Variants in IMMP2L observed in about 807,000 individuals in gnomAD.
IMMP2L encodes mitochondrial inner membrane protease subunit 2.
In IMMP2L, 18 loss-of-function variants were observed where a neutral mutation model predicts 19.3. The ratio of observed to expected loss-of-function variants is 0.93; its 90% CI spans 0.64 to 1.38. The LOEUF is 1.38. Ranked by LOEUF, IMMP2L falls within the 40% of genes most tolerant of loss-of-function variation. IMMP2L has a pLI of 0.00. For missense variants in IMMP2L, 233 were observed against 218.2 expected (o/e 1.07, Z -0.43); for synonymous variants, 76 against 73.0 (o/e 1.04, Z -0.21).
chr7:111,439,045 G>A (rs868218408), intron 3 of IMMP2L, among the ~76,000 whole-genome samples: 4 of 151,932 alleles, frequency 2.6e-5, no homozygotes, highest in East Asian at 1.9e-4. Flanking sequence ...AAATCAAGCC[G>A]GGGTCCAGCA....
intron 4 of IMMP2L, among the ~76,000 whole-genome samples, chr7:110,951,303 A>T (rs1219697717): frequency 6.6e-6 from 1 of 152,086 alleles, no homozygotes; most frequent in Non-Finnish European, 1.5e-5. Context: ...AAATTAAATT[A>T]AAAAAACTTT....
intron 3 of IMMP2L, among the ~76,000 whole-genome samples, chr7:111,454,334 G>A (rs944256979): frequency 2.6e-5 from 4 of 152,108 alleles, no homozygotes; most frequent in Non-Finnish European, 2.9e-5. Flanking sequence ...AAATTCATGG[G>A]TAAAAATAAA....
chr7:111,303,221 T>G (rs1822458462), intron 3 of IMMP2L, among the ~76,000 whole-genome samples: 1 of 152,100 alleles, frequency 6.6e-6, no homozygotes, highest in Admixed American at 6.6e-5. Flanking sequence ...TATAGAAATC[T>G]GAAAAGTTAA....
At chr7:110,881,607 ACT>A (rs1174525362) in intron 5 of IMMP2L, among the ~76,000 whole-genome samples, 1 of 152,208 alleles carries the variant, frequency 6.6e-6, no homozygotes, top group Non-Finnish European at 1.5e-5. Flanking sequence ...TCCTGTCAAC[ACT>A]GTCTAATGAC....
At chr7:111,516,933 T>C (rs75600132) in intron 2 of IMMP2L, among the ~76,000 whole-genome samples, 3,043 of 152,148 alleles carry the variant, frequency 0.02, 104 homozygotes, top group African/African-American at 0.069. Flanking sequence ...TTGTGCCCAG[T>C]ATCTTGGAAG....
Position 111,024,923 on chromosome 7 carries a change from A to G in IMMP2L, c.240-61358T>C, listed in dbSNP as rs7779551. 4.6e-3 allele frequency among the ~76,000 whole-genome samples: 695 copies of G among 152,300 alleles called. 7 individuals carry two copies. Among genetic ancestry groups the G allele is most frequent in the African/African-American group, 0.015 (642 of 41,564 alleles). On this transcript the variant is annotated intron_variant, in intron 3 of 5. Coordinates refer to ENST00000405709, the MANE Select transcript of IMMP2L (RefSeq NM_032549.4). ...GATTATTTTTTGTCAAAAAGAAAAC[A>G]AGAGGCTTAATTAAGGGAGTATTGA...
chr7:111,348,544 A>T (rs1245777033), intron 3 of IMMP2L, among the ~76,000 whole-genome samples: 1 of 152,146 alleles, frequency 6.6e-6, no homozygotes, highest in Non-Finnish European at 1.5e-5. Flanking sequence ...TTAGAAACCA[A>T]ATGATGCAGT....
chr7:111,044,745 C>G (rs1471425623), intron 3 of IMMP2L, among the ~76,000 whole-genome samples: 1 of 151,946 alleles, frequency 6.6e-6, no homozygotes, highest in Non-Finnish European at 1.5e-5. Context: ...ACAAAGGAAC[C>G]AATTTGATAC....
intron 3 of IMMP2L, among the ~76,000 whole-genome samples, chr7:111,048,284 A>G (rs546835402): frequency 9.8e-4 from 148 of 151,220 alleles, no homozygotes; most frequent in Non-Finnish European, 1.9e-3. Context: ...GAAAAAAGAA[A>G]AAAAGAAATC....
In IMMP2L at chr7:110,924,525, T is replaced by C. The variant is rs532138427; in HGVS notation, c.306-37830A>G. ...CACTATGGGGAACTGGGCAGGCCGG[T>C]TTTAATATTAGATATTCTAATAATG... is the stretch of plus-strand genomic sequence containing the variant. On this transcript the variant is annotated intron_variant, in intron 4 of 5. Coordinates refer to ENST00000405709, the MANE Select transcript of IMMP2L (RefSeq NM_032549.4). This position sits in a 1 kb window ranked among gnomAD's most constrained non-coding sequence, Gnocchi z 4.2. Among the ~76,000 whole-genome samples the C allele has an allele frequency of 6.6e-6, 1 of 152,242 alleles. No individual in the cohort carries two copies. The highest frequency in any genetic ancestry group is 2.4e-5 in the African/African-American group (1 of 41,550).
chr7:110,789,296 G>A (rs1800302869), intron 5 of IMMP2L, among the ~76,000 whole-genome samples: 1 of 151,764 alleles, frequency 6.6e-6, no homozygotes, highest in Non-Finnish European at 1.5e-5. Flanking sequence ...TAACATGGCT[G>A]TTTTATGACA....
rs1477190266 is a variant in IMMP2L, at chr7:110,776,911, GT to G, written c.408+109681del. Among the ~76,000 whole-genome samples, 12 of 152,028 alleles carry G rather than the reference GT, an allele frequency of 7.9e-5. No homozygotes were observed. The East Asian group carries it at 2.3e-3, about 30-fold the overall frequency. On this transcript the variant is annotated intron_variant, in intron 5 of 5. Coordinates refer to ENST00000405709, the MANE Select transcript of IMMP2L (RefSeq NM_032549.4). ...GCAGAGGGTTGATTTTTAAAAAAAT[GT>G]TTGTCTTCCCCACTGATTTTGTGTT...
intron 3 of IMMP2L, among the ~76,000 whole-genome samples, chr7:111,007,682 CATAT>C (rs1324757242): frequency 6.6e-6 from 1 of 151,984 alleles, no homozygotes; most frequent in Admixed American, 6.6e-5. Context: ...TGTATGTACA[CATAT>C]AGACATGCAT....
At chr7:110,724,475 C>T (rs1795766618) in intron 5 of IMMP2L, 1 of 152,156 alleles carries the variant, frequency 6.6e-6, no homozygotes, top group African/African-American at 2.4e-5. Context: ...ATTCTGGAAC[C>T]AAAGTTTCTG....
At chr7:111,178,710 A>T (rs1022224241) in intron 3 of IMMP2L, among the ~76,000 whole-genome samples, 1 of 151,940 alleles carries the variant, frequency 6.6e-6, no homozygotes, top group East Asian at 1.9e-4. Flanking sequence ...ATAAAAAGCA[A>T]CTCCTCGTCT....
chr7:111,440,936 T>C (rs1204999329), intron 3 of IMMP2L, among the ~76,000 whole-genome samples: 1 of 151,924 alleles, frequency 6.6e-6, no homozygotes, highest in Non-Finnish European at 1.5e-5. Context: ...GTTATGAAAG[T>C]GGTTTCTTTC....
intron 3 of IMMP2L, among the ~76,000 whole-genome samples, chr7:111,377,643 G>A (rs1441656861): frequency 6.6e-6 from 1 of 151,872 alleles, no homozygotes; most frequent in Non-Finnish European, 1.5e-5. Context: ...CTATTTATTC[G>A]GCTTGGCTTT....
At chr7:110,866,325 A>G (rs1268118123) in intron 5 of IMMP2L, among the ~76,000 whole-genome samples, 1 of 151,864 alleles carries the variant, frequency 6.6e-6, no homozygotes, top group Non-Finnish European at 1.5e-5. Context: ...GGTTGTGGAG[A>G]TGGGAGTGAG....
chr7:111,145,385 A>G (rs79083418), intron 3 of IMMP2L, among the ~76,000 whole-genome samples: 1 of 151,976 alleles, frequency 6.6e-6, no homozygotes, highest in Non-Finnish European at 1.5e-5. Flanking sequence ...TATGTCTATT[A>G]CCTATTTAAA....
Sources: allele counts gnomAD v4.1 joint callset (sites outside exome capture counted in the v4.1 genomes callset), GRCh38; gene constraint gnomAD v4.1.1; non-coding constraint Gnocchi (gnomAD v3.1); transcripts MANE v1.5; gene names NCBI Gene and HGNC (gene_info 2026-07-23, HGNC 2026-07-21).